EEA1: variants seen among roughly 807,000 people sequenced by gnomAD.
EEA1 encodes the protein early endosome antigen 1, 162kD.
A neutral mutation model predicts 209.2 loss-of-function variants in EEA1; 111 were observed. The observed-to-expected ratio is 0.53, with a 90% CI of 0.45 to 0.62. EEA1 has a LOEUF of 0.62. Ranked by LOEUF, EEA1 falls within the 20% of genes least tolerant of loss-of-function variation. EEA1 has a pLI of 0.00. For missense variants in EEA1, 1,343 were observed against 1,530.8 expected, an observed-to-expected ratio of 0.88 and a Z score of 2.05; for synonymous variants, 536 against 540.6, an observed-to-expected ratio of 0.99 and a Z score of 0.12.
At chr12:92,845,461 T>C (rs1286985856) in intron 9 of EEA1, among the ~76,000 whole-genome samples, 3 of 152,188 alleles carry the variant, frequency 2.0e-5, no homozygotes, top group African/African-American at 4.8e-5. Context: ...TGGGTGAAGT[T>C]CAAAGATCTC....
rs111595805 is a variant in EEA1 at position 92,809,250 on chromosome 12, G to C, written c.2200-94C>G. ...AACATTTTTGTTTATATTCAAACAG[G>C]TGTGACATACAAAAAAAAATTTATT... On this transcript the variant is annotated intron_variant, in intron 17 of 28. Coordinates refer to ENST00000322349, the MANE Select transcript of EEA1 (RefSeq NM_003566.4). The C allele has an allele frequency of 4.6e-3, 4,415 of 957,452 alleles. 147 individuals carry two copies. In the African/African-American group the frequency reaches 0.066, roughly 14 times the overall value. 59.3% of individuals were successfully genotyped at this position (957,452 alleles called of 1,614,324 possible). A position where few individuals can be genotyped will look rare whatever the true frequency, so the allele number is the denominator to read the frequency against.
chr12:92,887,778 G>A (rs550592483), intron 2 of EEA1, among the ~76,000 whole-genome samples: 20 of 152,254 alleles, frequency 1.3e-4, no homozygotes, highest in African/African-American at 4.1e-4. Context: ...TTATCAAGAT[G>A]TAACCCCATC....
chr12:92,874,625 C>G (rs1374525229), intron 2 of EEA1, among the ~76,000 whole-genome samples: 2 of 152,268 alleles, frequency 1.3e-5, no homozygotes, highest in Non-Finnish European at 2.9e-5. Flanking sequence ...CTCAGCCTCC[C>G]AAAGTGCTGG....
chr12:92,823,516 A>G (rs1876158741), intron 13 of EEA1, among the ~76,000 whole-genome samples: 1 of 152,186 alleles, frequency 6.6e-6, no homozygotes, highest in East Asian at 1.9e-4. Flanking sequence ...AAAGTTTTCC[A>G]TGGCTGCTCC....
At chr12:92,830,910 C>T (rs1876596420) in intron 11 of EEA1, among the ~76,000 whole-genome samples, 1 of 152,096 alleles carries the variant, frequency 6.6e-6, no homozygotes, top group Admixed American at 6.5e-5. Flanking sequence ...GATCAGTTAA[C>T]GGTTGTTACA....
intron 1 of EEA1, among the ~76,000 whole-genome samples, chr12:92,907,600 A>C (rs1880430367): frequency 6.6e-6 from 1 of 152,216 alleles, no homozygotes; most frequent in Admixed American, 6.6e-5. Context: ...ACGATAAAAG[A>C]GACCTAATAT....
At chr12:92,917,429 G>T (rs954271077) in intron 1 of EEA1, among the ~76,000 whole-genome samples, 3 of 149,078 alleles carry the variant, frequency 2.0e-5, no homozygotes, top group Non-Finnish European at 3.0e-5. Flanking sequence ...AAGAGAGTGG[G>T]GGCCAATATT....
intron 1 of EEA1, among the ~76,000 whole-genome samples, chr12:92,907,400 T>C (rs149394095): frequency 6.6e-6 from 1 of 152,320 alleles, no homozygotes; most frequent in East Asian, 1.9e-4. Flanking sequence ...ATTCTCCATC[T>C]CAGATTATAG....
chr12:92,854,049 C>A, intron 5 of EEA1, 95 bp from the exon 6 acceptor site: 1 of 985,370 alleles, frequency 1.0e-6, no homozygotes, highest in Admixed American at 3.3e-5. Context: ...AAGTCACTTT[C>A]TTTCAGGTAA....
rs978767723 is a variant in EEA1 at position 92,772,685 on chromosome 12, T to C, written c.*3326A>G. On this transcript the variant is annotated 3_prime_UTR_variant, in exon 29 of 29. Coordinates refer to ENST00000322349, the MANE Select transcript of EEA1 (RefSeq NM_003566.4). ...TGAGTTTAGAAATTGCAGTATTTAC[T>C]GAGCTAACCTTTCTCACAAAGTAAG... The C allele has an allele frequency of 6.6e-6, 1 of 152,292 alleles. No individual in the cohort carries two copies. The highest frequency in any genetic ancestry group is 1.5e-5 in the Non-Finnish European group (1 of 67,778). The allele number at this position is 152,292 out of a possible 1,614,324, so 9.4% of individuals were successfully genotyped here. A position where few individuals can be genotyped will look rare whatever the true frequency, so the allele number is the denominator to read the frequency against.
At chr12:92,873,726 T>C (rs1878752047) in intron 2 of EEA1, among the ~76,000 whole-genome samples, 1 of 152,164 alleles carries the variant, frequency 6.6e-6, no homozygotes, top group African/African-American at 2.4e-5. Flanking sequence ...AGACCTTCAA[T>C]TGCCTCATCT....
chr12:92,892,552 CTTTT>C, intron 1 of EEA1, among the ~76,000 whole-genome samples: 2 of 48,116 alleles, frequency 4.2e-5, no homozygotes, highest in South Asian at 9.7e-4. Flanking sequence ...AATGCTTTCT[CTTTT>C]CTTTTTTTTT....
chr12:92,839,245 G>C (rs973952116), intron 10 of EEA1, among the ~76,000 whole-genome samples: 2 of 152,070 alleles, frequency 1.3e-5, no homozygotes, highest in Non-Finnish European at 1.5e-5. Flanking sequence ...ACTAATGCAT[G>C]ATCTTATAAA....
chr12:92,898,276 T>C (rs1879976711), intron 1 of EEA1, among the ~76,000 whole-genome samples: 2 of 152,206 alleles, frequency 1.3e-5, no homozygotes, highest in African/African-American at 4.8e-5. Flanking sequence ...GGAAATAAAA[T>C]GATCTTGAAC....
chr12:92,780,810 A>C (rs1174855324), intron 23 of EEA1, among the ~76,000 whole-genome samples: 1 of 152,188 alleles, frequency 6.6e-6, no homozygotes, highest in Non-Finnish European at 1.5e-5. Flanking sequence ...TGAAGAAACA[A>C]AGGTTTAAGA....
chr12:92,865,262 A>T (rs896171952), intron 2 of EEA1, among the ~76,000 whole-genome samples: 1 of 152,154 alleles, frequency 6.6e-6, no homozygotes, highest in Non-Finnish European at 1.5e-5. Flanking sequence ...GTCTAATCTG[A>T]AAAGTTAGTT....
At chr12:92,911,963 C>T (rs1880598539) in intron 1 of EEA1, among the ~76,000 whole-genome samples, 1 of 152,202 alleles carries the variant, frequency 6.6e-6, no homozygotes, top group African/African-American at 2.4e-5. Context: ...TTTATCCTGC[C>T]TTCCAAGTAT....
At chr12:92,811,477 T>A in intron 16 of EEA1, 43 bp from the exon 17 acceptor site, 2 of 1,321,658 alleles carry the variant, frequency 1.5e-6, no homozygotes, top group Non-Finnish European at 2.0e-6. Context: ...TAAGGTTTAC[T>A]ATATTGTAGT....
intron 2 of EEA1, among the ~76,000 whole-genome samples, chr12:92,869,809 G>T: frequency 7.2e-6 from 1 of 138,238 alleles, no homozygotes; most frequent in African/African-American, 2.7e-5. Flanking sequence ...TATTTTAAGT[G>T]CAGAGTAGGT....
Sources: allele counts gnomAD v4.1 joint callset (sites outside exome capture counted in the v4.1 genomes callset), GRCh38; gene constraint gnomAD v4.1.1; transcripts MANE v1.5; gene names NCBI Gene and HGNC (gene_info 2026-07-23, HGNC 2026-07-21).